C3orf33: variants seen among roughly 807,000 people sequenced by gnomAD.
The protein encoded by C3orf33 is AP-1 activity suppressor.
In C3orf33, 23 loss-of-function variants were observed where a neutral mutation model predicts 28.7. The observed-to-expected ratio is 0.80, with a 90% CI of 0.58 to 1.13. The LOEUF (loss-of-function observed/expected upper bound fraction) is 1.13. Among genes scored for constraint, C3orf33 ranks in the 50% most tolerant of loss-of-function variants. C3orf33 has a pLI of 0.00. For synonymous variants in C3orf33, 119 were observed against 120.5 expected, an observed-to-expected ratio of 0.99 and a Z score of 0.08; for missense variants, 327 against 353.4, an observed-to-expected ratio of 0.93 and a Z score of 0.60.
intron 2 of C3orf33, among the ~76,000 whole-genome samples, chr3:155,792,131 A>T (rs1751332891): frequency 6.6e-6 from 1 of 152,178 alleles, no homozygotes; most frequent in East Asian, 1.9e-4. Context: ...TGACACAGAC[A>T]GAGAGACTCT....
intron 3 of C3orf33, among the ~76,000 whole-genome samples, chr3:155,773,986 A>G (rs1053993894): frequency 4.6e-5 from 7 of 152,278 alleles, no homozygotes; most frequent in African/African-American, 1.7e-4. Flanking sequence ...TGGGGGGGAA[A>G]ATCAATCTTG....
chr3:155,805,527 C>G (rs949790851), intron 1 of C3orf33: 1 of 444,388 alleles, frequency 2.3e-6, no homozygotes, highest in Non-Finnish European at 4.5e-6. Context: ...GGAGGACAGC[C>G]TGGACAACAT....
intron 2 of C3orf33, among the ~76,000 whole-genome samples, chr3:155,780,992 CTTTT>C (rs746458091): frequency 7.1e-6 from 1 of 141,140 alleles, no homozygotes. Context: ...CTCTAGACTT[CTTTT>C]TTTTTTTTTT....
Position 155,798,128 on chromosome 3 carries a change from A to C in C3orf33, c.174+4404T>G, listed in dbSNP as rs114139999. ...AATGAAATAAATTGAAAAGGGTACA[A>C]ACAATGAGAAAATTTTCCATGTTCA... On this transcript the variant is annotated intron_variant, in intron 2 of 4. Transcript: ENST00000340171. Among the ~76,000 whole-genome samples the C allele has an allele frequency of 7.7e-3, 1,179 of 152,212 alleles. 15 individuals are homozygous for C. The highest frequency in any genetic ancestry group is 0.027 in the African/African-American group (1,140 of 41,532).
intron 2 of C3orf33, among the ~76,000 whole-genome samples, chr3:155,800,668 A>T (rs1751621635): frequency 6.8e-6 from 1 of 147,398 alleles, no homozygotes; most frequent in Non-Finnish European, 1.5e-5. Flanking sequence ...GATGTGAGAA[A>T]ATATTTGCAA....
At chr3:155,767,765 T>C (rs895576712) in intron 3 of C3orf33, 96 bp from the exon 4 acceptor site, 14 of 792,382 alleles carry the variant, frequency 1.8e-5, no homozygotes, top group Non-Finnish European at 2.4e-5. Context: ...AAATATATTA[T>C]GTTTATTTAT....
chr3:155,771,505 C>T (rs998430828), intron 3 of C3orf33, among the ~76,000 whole-genome samples: 3 of 152,074 alleles, frequency 2.0e-5, no homozygotes, highest in Middle Eastern at 6.8e-3. Context: ...TGGACTCAAG[C>T]GATCCACCTG....
chr3:155,789,551 CTA>C (rs1751247970), intron 2 of C3orf33, among the ~76,000 whole-genome samples: 1 of 151,696 alleles, frequency 6.6e-6, no homozygotes, highest in South Asian at 2.1e-4. Flanking sequence ...ACAAAGTTAT[CTA>C]TAGATTCAAT....
intron 2 of C3orf33, among the ~76,000 whole-genome samples, chr3:155,786,175 G>A (rs1283609298): frequency 2.0e-5 from 3 of 151,850 alleles, no homozygotes; most frequent in Non-Finnish European, 4.4e-5. Flanking sequence ...AGGAAAGATT[G>A]ATCTCAAATC....
chr3:155,796,462 C>T (rs1188360798), intron 2 of C3orf33, among the ~76,000 whole-genome samples: 1 of 152,040 alleles, frequency 6.6e-6, no homozygotes, highest in Non-Finnish European at 1.5e-5. Flanking sequence ...AATCCAAAAC[C>T]TGAACAGATC....
At chr3:155,788,995 C>G (rs576546155) in intron 2 of C3orf33, among the ~76,000 whole-genome samples, 1 of 152,230 alleles carries the variant, frequency 6.6e-6, no homozygotes, top group East Asian at 1.9e-4. Context: ...AGTTAACACA[C>G]AAAAATCAGT....
intron 2 of C3orf33, among the ~76,000 whole-genome samples, chr3:155,779,631 G>A (rs941691662): frequency 1.3e-5 from 2 of 151,876 alleles, no homozygotes; most frequent in Non-Finnish European, 2.9e-5. Context: ...TAACAAACTG[G>A]AGCAAAGCCA....
Position 155,767,568 on chromosome 3 carries a change from A to G in C3orf33, c.424T>C (p.Trp142Arg). The change falls in exon 4 of 5, where the codon TGG becomes CGG. Residue 142 changes from tryptophan to arginine, a missense_variant. Physicochemically the swap from Trp to Arg is moderately radical, Grantham distance 101. Coordinates refer to ENST00000340171, the MANE Select transcript of C3orf33 (RefSeq NM_001308229.2). Reference sequence around the variant, plus strand: ...TTCTCCTTTCCAAGAAGTTGGAACCATAGTAATTGGGAAGGTTTTAGCTCT... The same window carrying G: ...TTCTCCTTTCCAAGAAGTTGGAACCGTAGTAATTGGGAAGGTTTTAGCTCT... ...QKELKPSQLL[W>R]FQLLGKENSA... 1 of 1,597,914 alleles carries G rather than the reference A, an allele frequency of 6.3e-7. No individual in the cohort carries two copies. The highest frequency in any genetic ancestry group is 8.5e-7 in the Non-Finnish European group (1 of 1,169,886).
intron 2 of C3orf33, among the ~76,000 whole-genome samples, chr3:155,789,980 C>T (rs1366730754): frequency 2.0e-5 from 3 of 151,786 alleles, no homozygotes; most frequent in Non-Finnish European, 4.4e-5. Flanking sequence ...CTGGCCAACA[C>T]AGTGAAACCC....
At chr3:155,806,079 T>C in intron 1 of C3orf33, 60 bp downstream of exon 1, 2 of 1,208,742 alleles carry the variant, frequency 1.7e-6, no homozygotes, top group Non-Finnish European at 2.2e-6. Context: ...CACGTTGTTC[T>C]CAGGGTCGCT....
intron 2 of C3orf33, among the ~76,000 whole-genome samples, chr3:155,784,018 G>C (rs956024723): frequency 4.6e-5 from 7 of 151,078 alleles, no homozygotes; most frequent in African/African-American, 1.7e-4. Flanking sequence ...CACAACCTCC[G>C]CCTCCCGGGT....
chr3:155,785,065 C>G (rs1751057481), intron 2 of C3orf33, among the ~76,000 whole-genome samples: 1 of 151,456 alleles, frequency 6.6e-6, no homozygotes, highest in Admixed American at 6.6e-5. Flanking sequence ...CAAACAAGAG[C>G]AGGGGTACCT....
In C3orf33 at chr3:155,763,366, T is replaced by G; in HGVS notation, c.*151A>C. The G allele has an allele frequency of 2.1e-6, 1 of 482,644 alleles. No individual in the cohort carries two copies. Among genetic ancestry groups the G allele is most frequent in the Non-Finnish European group, 3.4e-6 (1 of 290,190 alleles). 29.9% of individuals were successfully genotyped at this position (482,644 alleles called of 1,614,324 possible). The stretch of plus-strand genomic sequence containing the variant: ...GTTTAAATTAATTCTGACATTATGC[T>G]TATAATAATCATCTCTTTTTAATAT... On this transcript the variant is annotated 3_prime_UTR_variant, in exon 5 of 5. Coordinates refer to ENST00000340171, the MANE Select transcript of C3orf33 (RefSeq NM_001308229.2).
chr3:155,775,435 G>A (rs1431310671), intron 3 of C3orf33, among the ~76,000 whole-genome samples: 1 of 150,808 alleles, frequency 6.6e-6, no homozygotes, highest in Non-Finnish European at 1.5e-5. Context: ...GTTGCAGTGA[G>A]CCGAAATTGC....
Sources: allele counts gnomAD v4.1 joint callset (sites outside exome capture counted in the v4.1 genomes callset), GRCh38; gene constraint gnomAD v4.1.1; transcripts MANE v1.5; gene names NCBI Gene and HGNC (gene_info 2026-07-23, HGNC 2026-07-21).